The following MZT2A variants were observed in gnomAD, a reference collection of about 807,000 sequenced individuals.
MZT2A encodes the protein mitotic-spindle organizing protein 2A.
In MZT2A, 8 loss-of-function variants were observed where a neutral mutation model predicts 12.4. That is an observed-to-expected ratio of 0.64 (90% confidence interval 0.38 to 1.16). The LOEUF (loss-of-function observed/expected upper bound fraction) is 1.16, where lower values mean the gene tolerates loss of function less well. MZT2A is among the 50% of genes most tolerant of loss of function. MZT2A has a pLI of 0.01. For synonymous variants in MZT2A, 88 were observed against 107.5 expected, an observed-to-expected ratio of 0.82 and a Z score of 1.12; for missense variants, 181 against 223.6, an observed-to-expected ratio of 0.81 and a Z score of 1.22.
In MZT2A at chr2:131,484,006, G is replaced by C. The variant is rs770686857; in HGVS notation, c.*55C>G. The C allele has an allele frequency of 3.8e-4, 591 of 1,554,642 alleles. 1 individual carries two copies. Among genetic ancestry groups the C allele is most frequent in the Non-Finnish European group, 4.9e-4 (566 of 1,146,666 alleles). On this transcript the variant is annotated 3_prime_UTR_variant, in exon 3 of 3. Coordinates refer to ENST00000309451, the MANE Select transcript of MZT2A (RefSeq NM_001085365.2). The stretch of plus-strand genomic sequence containing the variant: ...CAGAAAGGTTTATTATCAACTGAAG[G>C]AGGTAACATGTAGCCTTTGCTGGGG...
At chr2:131,483,651 C>T (rs1286248339), downstream of MZT2A, among the ~76,000 whole-genome samples, 1 of 152,050 alleles carries the variant, frequency 6.6e-6, no homozygotes. Context: ...GGAGGCGGAG[C>T]TTGTAGTGAG....
intron 4 of MZT2A, chr2:131,470,095 C>T: frequency 2.4e-6 from 1 of 424,124 alleles, no homozygotes; most frequent in South Asian, 2.0e-5. Flanking sequence ...TGAGCCACCG[C>T]ATCTGGCTAA....
intron 2 of MZT2A, among the ~76,000 whole-genome samples, chr2:131,489,130 C>A (rs567713547): frequency 2.6e-5 from 4 of 152,244 alleles, no homozygotes; most frequent in African/African-American, 9.6e-5. Flanking sequence ...CCTGTGTAAC[C>A]CTTGCTGCTC....
chr2:131,470,432 A>G, intron 3 of MZT2A: 1 of 1,098,594 alleles, frequency 9.1e-7, no homozygotes, highest in Non-Finnish European at 1.2e-6. Context: ...AAGAGTTACA[A>G]GTGACAGCCA....
chr2:131,484,227 A>T lies in MZT2A; in HGVS notation c.320-9T>A, dbSNP rs1264286620. 5 of 1,612,632 alleles carry T rather than the reference A, an allele frequency of 3.1e-6. No homozygotes were observed. Among genetic ancestry groups the T allele is most frequent in the East Asian group, 2.2e-5 (1 of 44,836 alleles). On this transcript the variant is annotated splice_polypyrimidine_tract_variant and intron_variant, in intron 2 of 2. Coordinates refer to ENST00000309451, the MANE Select transcript of MZT2A (RefSeq NM_001085365.2). ...GCTGCCTTTGTCTCTCCCTAAGGAG[A>T]CACAAAGCACAATGATTAGGAATGG...
chr2:131,485,960 C>T (rs11693231), intron 2 of MZT2A, among the ~76,000 whole-genome samples: 2,536 of 151,774 alleles, frequency 0.017, 38 homozygotes, highest in Non-Finnish European at 0.026. Flanking sequence ...AGGGATAGGA[C>T]GGCCCTCCTT....
intron 2 of MZT2A, chr2:131,491,041 C>T (rs551356618): frequency 2.2e-5 from 28 of 1,257,376 alleles, no homozygotes; most frequent in Non-Finnish European, 2.8e-5. Context: ...CTTTCCACGC[C>T]TTCTCATGAT....
chr2:131,481,810 T>C (rs1484540192), downstream of MZT2A, among the ~76,000 whole-genome samples: 2 of 152,220 alleles, frequency 1.3e-5, no homozygotes, highest in Admixed American at 6.5e-5. Flanking sequence ...TCACGTGATC[T>C]GCCCACCTGT....
At chr2:131,493,543 G>A (rs1224183370), upstream of MZT2A, among the ~76,000 whole-genome samples, 1 of 152,194 alleles carries the variant, frequency 6.6e-6, no homozygotes. Flanking sequence ...TGGTTTCGGA[G>A]GCTCCCGAAG....
At chr2:131,480,781 A>G (rs1173468292), downstream of MZT2A, 4 of 1,594,448 alleles carry the variant, frequency 2.5e-6, no homozygotes, top group Non-Finnish European at 3.4e-6. Context: ...GCCTTTCAGC[A>G]AGCAGCAGAT....
At chr2:131,491,645 C>G (rs977550583) in intron 2 of MZT2A, 1 of 732,960 alleles carries the variant, frequency 1.4e-6, no homozygotes, top group Non-Finnish European at 2.2e-6. Context: ...CCTACCCAGC[C>G]TGGACCACCC....
downstream of MZT2A, chr2:131,482,589 G>A (rs1441700699): frequency 6.2e-7 from 1 of 1,613,170 alleles, no homozygotes; most frequent in Non-Finnish European, 8.5e-7. Context: ...GTGGTCCCCG[G>A]GGGAGACCTG....
chr2:131,485,939 C>A (rs1454207709), intron 2 of MZT2A, among the ~76,000 whole-genome samples: 4 of 151,880 alleles, frequency 2.6e-5, no homozygotes, highest in Non-Finnish European at 5.9e-5. Flanking sequence ...AAAATTCTCC[C>A]CATACCCTGC....
downstream of MZT2A, chr2:131,480,160 G>T (rs769192454): frequency 1.2e-6 from 2 of 1,613,802 alleles, no homozygotes; most frequent in South Asian, 2.2e-5. Flanking sequence ...CTCATGGAGC[G>T]GCTCTCAGTG....
intron 2 of MZT2A, among the ~76,000 whole-genome samples, chr2:131,474,405 C>CT (rs70994777): frequency 0.16 from 15,109 of 94,566 alleles, 2,233 homozygotes; most frequent in East Asian, 0.68. Flanking sequence ...TCTTCTTCTT[C>CT]TTTTTTTTTT....
At chr2:131,483,840 G>A (rs1490828659), downstream of MZT2A, 10 of 1,060,204 alleles carry the variant, frequency 9.4e-6, no homozygotes, top group Non-Finnish European at 6.1e-6. Context: ...TCAGGTTCAG[G>A]AAGTTGACCC....
At chr2:131,492,176 C>T in intron 1 of MZT2A, 31 bp downstream of exon 1, 1 of 1,536,818 alleles carries the variant, frequency 6.5e-7, no homozygotes, top group South Asian at 1.2e-5. Context: ...GGGTGTCTGG[C>T]GAGCATGCGG....
At chr2:131,478,455 G>A (rs553002124) in intron 2 of MZT2A, 7 of 1,415,640 alleles carry the variant, frequency 4.9e-6, no homozygotes, top group Admixed American at 4.6e-5. Flanking sequence ...GCCCCGTGTG[G>A]GCTCCTTTGA....
At chr2:131,471,984 G>A in intron 3 of MZT2A, 1 of 1,188,992 alleles carries the variant, frequency 8.4e-7, no homozygotes. Flanking sequence ...TCCCAAGGAG[G>A]TCTTTAAACA....
Sources: allele counts gnomAD v4.1 joint callset (sites outside exome capture counted in the v4.1 genomes callset), GRCh38; gene constraint gnomAD v4.1.1; transcripts MANE v1.5; gene names NCBI Gene and HGNC (gene_info 2026-07-23, HGNC 2026-07-21).